The following PGAP1 variants were observed in gnomAD, a reference collection of about 807,000 sequenced individuals.
The protein encoded by PGAP1 is post-GPI attachment to proteins inositol deacylase 1, also known as GPI inositol-deacylase.
In PGAP1, 76 loss-of-function variants were observed where a neutral mutation model predicts 127.0. The ratio of observed to expected loss-of-function variants is 0.60; its 90% CI spans 0.50 to 0.72. PGAP1 has a LOEUF of 0.72. PGAP1 is among the 30% of genes least tolerant of loss of function. The pLI is 0.00. For synonymous variants in PGAP1, 362 were observed against 366.5 expected, an observed-to-expected ratio of 0.99 and a Z score of 0.14; for missense variants, 982 against 1,071.3, an observed-to-expected ratio of 0.92 and a Z score of 1.16.
At chr2:196,846,429 G>A (rs372114143) in intron 22 of PGAP1, among the ~76,000 whole-genome samples, 48 of 152,184 alleles carry the variant, frequency 3.2e-4, no homozygotes, top group African/African-American at 1.0e-3. Flanking sequence ...GAAGGGTGGA[G>A]GAAGAAGCAT....
chr2:196,878,791 T>C (rs1701641083), intron 13 of PGAP1, among the ~76,000 whole-genome samples: 1 of 152,212 alleles, frequency 6.6e-6, no homozygotes, highest in African/African-American at 2.4e-5. Context: ...CCTTTCAAAA[T>C]TATTATTTAC....
rs1700139072 is a variant in PGAP1 at position 196,833,112 on chromosome 2, G to A, written c.*8122C>T. On this transcript the variant is annotated 3_prime_UTR_variant, in exon 27 of 27. Coordinates refer to ENST00000354764, the MANE Select transcript of PGAP1 (RefSeq NM_024989.4). ...CATTAATACCTGAGCAGAGACTGAA[G>A]GCAAATATTCATCTATTAAACCTAC... 1 of 152,358 alleles carries A rather than the reference G, an allele frequency of 6.6e-6. No homozygotes were observed. The highest frequency in any genetic ancestry group is 2.1e-4 in the South Asian group (1 of 4,822). The allele number at this position is 152,358 out of a possible 1,614,324, so 9.4% of individuals were successfully genotyped here.
At chr2:196,862,842 C>T (rs190336385) in intron 20 of PGAP1, among the ~76,000 whole-genome samples, 47 of 152,196 alleles carry the variant, frequency 3.1e-4, no homozygotes, top group South Asian at 1.2e-3. Flanking sequence ...CTCTTGAACC[C>T]GGGAGGTGGA....
chr2:196,902,396 T>TATTC (rs112012835), intron 5 of PGAP1, among the ~76,000 whole-genome samples, 189 bp downstream of exon 5: 4 of 151,480 alleles, frequency 2.6e-5, no homozygotes, highest in South Asian at 2.1e-4. Flanking sequence ...AACACATTCA[T>TATTC]ATTCATTCAT....
At chr2:196,903,545 A>G (rs1406576283) in intron 4 of PGAP1, among the ~76,000 whole-genome samples, 21 of 134,848 alleles carry the variant, frequency 1.6e-4, no homozygotes, top group African/African-American at 5.7e-4. Flanking sequence ...TGGGCAACAG[A>G]GCGAGACTCT....
chr2:196,926,421 A>AG (rs1430021284), intron 1 of PGAP1, 49 bp downstream of exon 1: 7 of 1,609,142 alleles, frequency 4.4e-6, no homozygotes, highest in African/African-American at 1.3e-5. Flanking sequence ...AAAAGGCACC[A>AG]GGGGCCAGAG....
Position 196,834,620 on chromosome 2 carries a change from T to G in PGAP1, c.*6614A>C, listed in dbSNP as rs1275143282. 6.6e-6 allele frequency: 1 copy of G among 152,366 alleles called. No individual in the cohort carries two copies. The highest frequency in any genetic ancestry group is 2.4e-5 in the African/African-American group (1 of 41,448). The allele number at this position is 152,366 out of a possible 1,614,324, so 9.4% of individuals were successfully genotyped here. Reference sequence around the variant, plus strand: ...TTCAAAATAATATGTCATTTTTATATTTTTAAAAATGTAAATATGTAACAT... The same window carrying G: ...TTCAAAATAATATGTCATTTTTATAGTTTTAAAAATGTAAATATGTAACAT... On this transcript the variant is annotated 3_prime_UTR_variant, in exon 27 of 27. Coordinates refer to ENST00000354764, the MANE Select transcript of PGAP1 (RefSeq NM_024989.4).
chr2:196,885,816 T>C lies in PGAP1; in HGVS notation c.1220+18A>G. 2 of 1,391,340 alleles carry C rather than the reference T, an allele frequency of 1.4e-6. No individual in the cohort carries two copies. Among genetic ancestry groups the C allele is most frequent in the Non-Finnish European group, 1.9e-6 (2 of 1,063,908 alleles). The allele number at this position is 1,391,340 out of a possible 1,614,324, so 86.2% of individuals were successfully genotyped here. On this transcript the variant is annotated intron_variant, in intron 11 of 26. Transcript: ENST00000354764. ...TTGTTTATGTTGAGATAAATGAACA[T>C]GCATTCAAAAGACTTACCACATAGA...
intron 7 of PGAP1, among the ~76,000 whole-genome samples, chr2:196,895,441 A>C (rs1477914146): frequency 6.6e-6 from 1 of 152,212 alleles, no homozygotes; most frequent in Non-Finnish European, 1.5e-5. Context: ...TATTGTATGT[A>C]GTTGTACTCC....
rs186110229 is a variant in PGAP1 at position 196,865,189 on chromosome 2, A to G, written c.1768-109T>C. The G allele has an allele frequency of 4.7e-4, 282 of 594,116 alleles. 2 individuals are homozygous for G. The African/African-American group carries it at 5.2e-3, about 11-fold the overall frequency. 36.8% of individuals were successfully genotyped at this position (594,116 alleles called of 1,614,324 possible). A position where few individuals can be genotyped will look rare whatever the true frequency, so the allele number is the denominator to read the frequency against. On this transcript the variant is annotated intron_variant, in intron 19 of 26. Transcript: ENST00000354764. ...TCAATTTATACCTGACATGGCTACAAAGATATTTCCAGTAATAAGTATCAA... is the reference window on the plus strand; with the variant it reads ...TCAATTTATACCTGACATGGCTACAGAGATATTTCCAGTAATAAGTATCAA...
At chr2:196,870,469 G>A (rs190723719) in intron 19 of PGAP1, among the ~76,000 whole-genome samples, 3 of 151,924 alleles carry the variant, frequency 2.0e-5, no homozygotes, top group Admixed American at 1.3e-4. Flanking sequence ...GCTAATTTTT[G>A]TATTTTCAGT....
chr2:196,895,664 T>C (rs1702247626), intron 7 of PGAP1, among the ~76,000 whole-genome samples: 1 of 152,172 alleles, frequency 6.6e-6, no homozygotes, highest in African/African-American at 2.4e-5. Flanking sequence ...GAGCTAAGTA[T>C]CTATGATTCT....
chr2:196,888,686 A>T (rs761726014), intron 10 of PGAP1, among the ~76,000 whole-genome samples: 1 of 152,180 alleles, frequency 6.6e-6, no homozygotes, highest in African/African-American at 2.4e-5. Flanking sequence ...ACTAAAGGCA[A>T]TGTATACTTT....
At chr2:196,861,342 C>T (rs1701057885) in intron 20 of PGAP1, among the ~76,000 whole-genome samples, 1 of 152,090 alleles carries the variant, frequency 6.6e-6, no homozygotes, top group African/African-American at 2.4e-5. Context: ...GGCTAAAAGG[C>T]TACTGCACAG....
At chr2:196,868,987 T>A (rs1271041306) in intron 19 of PGAP1, among the ~76,000 whole-genome samples, 5 of 152,190 alleles carry the variant, frequency 3.3e-5, no homozygotes, top group South Asian at 2.1e-4. Context: ...ATTATTTTTT[T>A]AATTTTTTTA....
At chr2:196,863,900 A>G (rs1701151885) in intron 20 of PGAP1, among the ~76,000 whole-genome samples, 1 of 152,036 alleles carries the variant, frequency 6.6e-6, no homozygotes, top group South Asian at 2.1e-4. Context: ...TTAATAATTT[A>G]TTGTATATTT....
Position 196,920,120 on chromosome 2 carries a change from GT to G in PGAP1, c.177del (p.Lys59AsnfsTer25). On this transcript the variant is annotated frameshift_variant, in exon 2 of 27. Transcript: ENST00000354764. LOFTEE classifies it high-confidence loss of function. ...QKIELPKKLA[K>X]RYPAYELYLY... ...AGATACAACTCATATGCGGGATAGC[GT>G]TTTGCCAGTTTCTTTGGAAGTTCTA... 1 of 1,606,948 alleles carries G rather than the reference GT, an allele frequency of 6.2e-7. No individual in the cohort carries two copies. Among genetic ancestry groups the G allele is most frequent in the Non-Finnish European group, 8.5e-7 (1 of 1,177,474 alleles).
At chr2:196,889,540 G>A (rs560838376) in intron 10 of PGAP1, among the ~76,000 whole-genome samples, 28 of 151,432 alleles carry the variant, frequency 1.8e-4, no homozygotes, top group Non-Finnish European at 3.4e-4. Context: ...AATCAGAATA[G>A]AGGAAAAAGA....
intron 7 of PGAP1, among the ~76,000 whole-genome samples, chr2:196,895,849 A>G (rs1173921947): frequency 6.6e-6 from 1 of 152,240 alleles, no homozygotes; most frequent in Non-Finnish European, 1.5e-5. Context: ...TGGAGCCTTC[A>G]GGGGAAATAC....
Sources: allele counts gnomAD v4.1 joint callset (sites outside exome capture counted in the v4.1 genomes callset), GRCh38; gene constraint gnomAD v4.1.1; transcripts MANE v1.5; gene names NCBI Gene and HGNC (gene_info 2026-07-23, HGNC 2026-07-21).